WWC1: variants seen among roughly 807,000 people sequenced by gnomAD.
WWC1 encodes the protein protein KIBRA.
Under a neutral mutation model 138.4 loss-of-function variants are expected in WWC1, and 55 were observed. The observed-to-expected ratio is 0.40, with a 90% CI of 0.32 to 0.50. The LOEUF (loss-of-function observed/expected upper bound fraction) is 0.50. WWC1 is among the 20% of genes least tolerant of loss of function. The pLI, the probability that WWC1 is intolerant of heterozygous loss-of-function variation, is 0.72. For synonymous variants in WWC1, 524 were observed against 564.9 expected (o/e 0.93, Z 1.03); for missense variants, 1,226 against 1,420.4 (o/e 0.86, Z 2.20).
At chr5:168,351,428 A>G (rs1200576189) in intron 1 of WWC1, among the ~76,000 whole-genome samples, 1 of 152,222 alleles carries the variant, frequency 6.6e-6, no homozygotes, top group Non-Finnish European at 1.5e-5. Context: ...CACATGGGAA[A>G]TGTATAATAC....
chr5:168,412,538 G>A (rs1051629204), intron 8 of WWC1, among the ~76,000 whole-genome samples: 4 of 152,084 alleles, frequency 2.6e-5, no homozygotes, highest in African/African-American at 7.2e-5. Context: ...GCCCCTGCCC[G>A]GCCTTACCAT....
chr5:168,309,350 C>CA (rs1770859699), intron 1 of WWC1, among the ~76,000 whole-genome samples: 1 of 146,630 alleles, frequency 6.8e-6, no homozygotes, highest in Non-Finnish European at 1.5e-5. Context: ...GTCCTGGTCT[C>CA]AAACAACTTT....
At chr5:168,421,034 C>T (rs185068226) in intron 9 of WWC1, among the ~76,000 whole-genome samples, 94 of 152,258 alleles carry the variant, frequency 6.2e-4, no homozygotes, top group African/African-American at 2.1e-3. Context: ...GAAACAGCCC[C>T]CAAAGTCTCC....
intron 1 of WWC1, among the ~76,000 whole-genome samples, chr5:168,367,897 T>C (rs112590545): frequency 3.9e-5 from 6 of 152,266 alleles, no homozygotes; most frequent in African/African-American, 1.4e-4. Context: ...AAAATTACAC[T>C]GAAATCCCTA....
Position 168,430,212 on chromosome 5 carries a change from A to T in WWC1, c.2076A>T (p.Gln692His), listed in dbSNP as rs1781834071. 1.9e-6 allele frequency: 3 copies of T among 1,613,526 alleles called. No homozygotes were observed. The South Asian group carries it at 3.3e-5, about 18-fold the overall frequency. ...ACCTTTCTGCTCTGTTGCAGCAACA[A>T]GACCAGAAAGTGTGAGTATGTAGCT... ...LSNLSALLQQQDQKVNIRVAV... is the reference protein window; with the variant it reads ...LSNLSALLQQHDQKVNIRVAV... Residue 692 changes from glutamine to histidine, a missense_variant, in exon 14 of 23, where the codon CAA becomes CAT. Physicochemically the swap from Gln to His is conservative, Grantham distance 24. Transcript: ENST00000265293.
intron 1 of WWC1, among the ~76,000 whole-genome samples, chr5:168,305,356 T>C (rs1770461101): frequency 6.6e-6 from 1 of 152,154 alleles, no homozygotes; most frequent in Non-Finnish European, 1.5e-5. Flanking sequence ...CACCATCGCC[T>C]CACGTCTTCT....
intron 1 of WWC1, among the ~76,000 whole-genome samples, chr5:168,310,087 G>T (rs753029715): frequency 2.6e-5 from 4 of 152,090 alleles, no homozygotes; most frequent in Non-Finnish European, 4.4e-5. Context: ...CTCGAAGCTG[G>T]TCTCACCCTT....
intron 1 of WWC1, among the ~76,000 whole-genome samples, chr5:168,360,827 G>A (rs755947584): frequency 1.4e-4 from 22 of 152,236 alleles, no homozygotes; most frequent in Non-Finnish European, 2.8e-4. Flanking sequence ...AAGCTGTGTG[G>A]TAAGGGTCAG....
In WWC1 at chr5:168,428,112, CAG is replaced by C; in HGVS notation, c.1891_1892del (p.Ser631TrpfsTer19). ...AVSDESVAGDSGVYEASVQRL... is the reference protein window; with the variant it reads ...AVSDESVAGDXGVYEASVQRL... The stretch of plus-strand genomic sequence containing the variant: ...TATCGGACGAGTCAGTGGCTGGAGA[CAG>C]TGGTGTGTACGAGGCTTCCGTGCAG... On this transcript the variant is annotated frameshift_variant, in exon 12 of 23. Coordinates refer to ENST00000265293, the MANE Select transcript of WWC1 (RefSeq NM_015238.3). LOFTEE classifies it high-confidence loss of function. The C allele has an allele frequency of 6.2e-7, 1 of 1,613,674 alleles. No homozygotes were observed. Among genetic ancestry groups the C allele is most frequent in the East Asian group, 2.2e-5 (1 of 44,854 alleles).
At chr5:168,398,910 A>G (rs1779109184) in intron 4 of WWC1, among the ~76,000 whole-genome samples, 1 of 152,340 alleles carries the variant, frequency 6.6e-6, no homozygotes, top group Non-Finnish European at 1.5e-5. Flanking sequence ...TAGGTTTATT[A>G]TGTGACCTTT....
intron 2 of WWC1, among the ~76,000 whole-genome samples, chr5:168,381,970 A>G (rs1777669144): frequency 6.6e-6 from 1 of 151,886 alleles, no homozygotes; most frequent in South Asian, 2.1e-4. Context: ...AAGTGTGTGT[A>G]CCCTCTGATC....
At chr5:168,295,022 G>A (rs529469379) in intron 1 of WWC1, among the ~76,000 whole-genome samples, 6 of 152,250 alleles carry the variant, frequency 3.9e-5, no homozygotes, top group African/African-American at 1.4e-4. Context: ...TCCTGAGGGG[G>A]TCTCATGTCA....
At chr5:168,437,761 A>G (rs1222509639) in intron 15 of WWC1, among the ~76,000 whole-genome samples, 1 of 152,196 alleles carries the variant, frequency 6.6e-6, no homozygotes, top group Non-Finnish European at 1.5e-5. Flanking sequence ...AATTAATAAT[A>G]ATCTGCTGGA....
chr5:168,364,006 C>T (rs75734378), intron 1 of WWC1, among the ~76,000 whole-genome samples: 56 of 152,140 alleles, frequency 3.7e-4, no homozygotes, highest in African/African-American at 1.1e-3. Context: ...CTTCACAACG[C>T]GCAGAACTCT....
intron 3 of WWC1, among the ~76,000 whole-genome samples, chr5:168,392,340 A>G (rs1030099210): frequency 1.3e-5 from 2 of 152,156 alleles, no homozygotes; most frequent in African/African-American, 4.8e-5. Flanking sequence ...ATAAAGAGAA[A>G]AGCTGGAAAG....
At chr5:168,307,803 G>C (rs1048514789) in intron 1 of WWC1, among the ~76,000 whole-genome samples, 3 of 151,842 alleles carry the variant, frequency 2.0e-5, no homozygotes, top group African/African-American at 7.3e-5. Context: ...TCAGAAGTGG[G>C]TTTTCACCAT....
intron 1 of WWC1, among the ~76,000 whole-genome samples, chr5:168,304,214 G>T (rs1156544221): frequency 2.6e-5 from 4 of 152,090 alleles, no homozygotes; most frequent in African/African-American, 9.7e-5. Context: ...TGCTCAATTC[G>T]TTTATTTTGA....
rs183047684 is a variant in WWC1 at position 168,461,170 on chromosome 5, A to C, written c.2916+428A>C. ...ACAGTGAAACCCCATCTCTACTAAA[A>C]ATACAAAAATTAGCCGGGCGTGGTA... On this transcript the variant is annotated intron_variant, in intron 20 of 22. Transcript: ENST00000265293. Among the ~76,000 whole-genome samples, 13 of 152,208 alleles carry C rather than the reference A, an allele frequency of 8.5e-5. 1 individual carries two copies. The East Asian group carries it at 2.3e-3, about 27-fold the overall frequency.
intron 21 of WWC1, among the ~76,000 whole-genome samples, chr5:168,466,677 A>G (rs1193949113): frequency 6.6e-6 from 1 of 152,238 alleles, no homozygotes; most frequent in Non-Finnish European, 1.5e-5. Context: ...TTGAGGGGAA[A>G]ACAGAAAATT....
Sources: gnomAD v4.1 joint callset for allele counts (sites outside exome capture counted in the v4.1 genomes callset) on GRCh38, gnomAD v4.1.1 for gene constraint, MANE v1.5 for transcripts, NCBI Gene and HGNC (gene_info 2026-07-23, HGNC 2026-07-21) for gene names.